The following C12orf42 variants were observed in gnomAD, a reference collection of about 807,000 sequenced individuals.
The protein encoded by C12orf42 is uncharacterized protein C12orf42.
In C12orf42, 25 loss-of-function variants were observed where a neutral mutation model predicts 21.6. The ratio of observed to expected loss-of-function variants is 1.16; its 90% confidence interval spans 0.84 to 1.62. The LOEUF (loss-of-function observed/expected upper bound fraction) is 1.62, where lower values mean the gene tolerates loss of function less well. Ranked by LOEUF, C12orf42 falls within the 40% of genes most tolerant of loss-of-function variation. The pLI is 0.00. For missense variants in C12orf42, 483 were observed against 459.3 expected (o/e 1.05, Z -0.47); for synonymous variants, 174 against 175.0 (o/e 0.99, Z 0.05).
At chr12:103,378,641 T>C (rs2045908674) in intron 3 of C12orf42, 1 of 152,180 alleles carries the variant, frequency 6.6e-6, no homozygotes, top group East Asian at 1.9e-4. Flanking sequence ...AATCTAAAAG[T>C]AGCTAACACA....
At chr12:103,190,032 C>T in the C12orf42 span, among the ~76,000 whole-genome samples, 1 of 152,072 alleles carries the variant, frequency 6.6e-6, no homozygotes, top group Non-Finnish European at 1.5e-5. Flanking sequence ...GGAGAATTGG[C>T]TCACACAATT....
chr12:103,221,769 G>A, the C12orf42 span, among the ~76,000 whole-genome samples: 66 of 152,262 alleles, frequency 4.3e-4, 2 homozygotes, highest in South Asian at 6.2e-3. Flanking sequence ...TATAACGTGA[G>A]GAGAGTTCTT....
At chr12:103,475,058 C>T (rs1025419673) in intron 2 of C12orf42, among the ~76,000 whole-genome samples, 3 of 152,172 alleles carry the variant, frequency 2.0e-5, no homozygotes, top group Admixed American at 1.3e-4. Context: ...TTTTAGCAAG[C>T]ACCCTGGAAT....
At chr12:103,555,060 G>A in the C12orf42 span, among the ~76,000 whole-genome samples, 1 of 152,206 alleles carries the variant, frequency 6.6e-6, no homozygotes, top group South Asian at 2.1e-4. Flanking sequence ...GCAGGGTAGA[G>A]CTTCTCAGAT....
chr12:103,433,239 G>A (rs973739109), intron 2 of C12orf42, among the ~76,000 whole-genome samples: 1 of 152,102 alleles, frequency 6.6e-6, no homozygotes, highest in South Asian at 2.1e-4. Flanking sequence ...GTGTTTTACT[G>A]TAACCAAATA....
chr12:103,200,786 T>C, the C12orf42 span, among the ~76,000 whole-genome samples: 1 of 152,252 alleles, frequency 6.6e-6, no homozygotes, highest in Non-Finnish European at 1.5e-5. Flanking sequence ...TTTAGGTTGG[T>C]GCAAAAGTAA....
chr12:103,186,271 A>G, the C12orf42 span, among the ~76,000 whole-genome samples: 1 of 152,148 alleles, frequency 6.6e-6, no homozygotes, highest in South Asian at 2.1e-4. Flanking sequence ...GGGTTCCATA[A>G]AGTTCATCCA....
At chr12:103,074,185 A>G in the C12orf42 span, among the ~76,000 whole-genome samples, 3 of 152,222 alleles carry the variant, frequency 2.0e-5, no homozygotes, top group African/African-American at 4.8e-5. Context: ...ACCCAAAGAA[A>G]TGATCCAGAG....
the C12orf42 span, among the ~76,000 whole-genome samples, chr12:103,142,718 A>C: frequency 2.0e-5 from 3 of 152,192 alleles, no homozygotes; most frequent in African/African-American, 7.2e-5. Context: ...GGAAATCTAA[A>C]ACCTCCATGT....
intron 4 of C12orf42, among the ~76,000 whole-genome samples, chr12:103,328,318 A>T (rs1172051952): frequency 6.6e-6 from 1 of 152,188 alleles, no homozygotes; most frequent in African/African-American, 2.4e-5. Flanking sequence ...ATTGCTGGAA[A>T]TTAGGAGTAG....
the C12orf42 span, among the ~76,000 whole-genome samples, chr12:103,199,473 C>T: frequency 4.7e-3 from 719 of 152,098 alleles, 2 homozygotes; most frequent in Admixed American, 5.2e-3. Context: ...GATAAGTCAA[C>T]CTAAAAGTCT....
intron 2 of C12orf42, among the ~76,000 whole-genome samples, chr12:103,415,120 C>G (rs1279345289): frequency 6.6e-6 from 1 of 151,542 alleles, no homozygotes; most frequent in East Asian, 1.9e-4. Flanking sequence ...GTAGAGACAG[C>G]TATTCTTATA....
At chr12:103,547,420 GTACAAA>G in the C12orf42 span, among the ~76,000 whole-genome samples, 1 of 152,160 alleles carries the variant, frequency 6.6e-6, no homozygotes, top group African/African-American at 2.4e-5. Context: ...TACTATACCT[GTACAAA>G]TACAATCTTC....
At chr12:103,140,046 G>A in the C12orf42 span, among the ~76,000 whole-genome samples, 537 of 152,200 alleles carry the variant, frequency 3.5e-3, 3 homozygotes, top group Middle Eastern at 6.8e-3. Context: ...GCCCAACCTC[G>A]AGGTGGCTAA....
chr12:103,512,775 G>A, the C12orf42 span, among the ~76,000 whole-genome samples: 5 of 152,168 alleles, frequency 3.3e-5, no homozygotes, highest in South Asian at 2.1e-4. Flanking sequence ...AAGCCAAGGC[G>A]GGTGGATCAC....
At chr12:103,555,628 A>G in the C12orf42 span, among the ~76,000 whole-genome samples, 2 of 152,152 alleles carry the variant, frequency 1.3e-5, no homozygotes, top group African/African-American at 4.8e-5. Flanking sequence ...GCATCTCCTG[A>G]GATGTGGTTA....
chr12:103,287,875 T>C, intron 4 of C12orf42, among the ~76,000 whole-genome samples: 1 of 152,010 alleles, frequency 6.6e-6, no homozygotes. Context: ...TTTTGTTACA[T>C]TGCTTCTTCT....
At chr12:103,391,529 T>C (rs1217457295) in intron 3 of C12orf42, among the ~76,000 whole-genome samples, 31 of 152,152 alleles carry the variant, frequency 2.0e-4, no homozygotes, top group Admixed American at 2.0e-3. Flanking sequence ...TGAACATCTT[T>C]TCATGTGCCT....
chr12:103,442,630 T>C (rs1951322294), intron 2 of C12orf42, among the ~76,000 whole-genome samples: 1 of 152,122 alleles, frequency 6.6e-6, no homozygotes, highest in African/African-American at 2.4e-5. Flanking sequence ...TGCATTATCA[T>C]TTTTCAACAA....
Sources: gnomAD v4.1 joint callset for allele counts (sites outside exome capture counted in the v4.1 genomes callset) on GRCh38, gnomAD v4.1.1 for gene constraint, MANE v1.5 for transcripts, NCBI Gene and HGNC (gene_info 2026-07-23, HGNC 2026-07-21) for gene names.